CSMD1: variants seen among roughly 807,000 people sequenced by gnomAD.
CSMD1 encodes CUB and Sushi multiple domains 1, also known as CUB and sushi domain-containing protein 1.
CSMD1 carries 213 observed loss-of-function variants against 417.5 expected under a neutral mutation model. That is an observed-to-expected ratio of 0.51 (90% CI 0.46 to 0.57). The LOEUF (loss-of-function observed/expected upper bound fraction) is 0.57, where lower values mean the gene tolerates loss of function less well. CSMD1 is among the 20% of genes least tolerant of loss of function. The pLI is 0.00. For synonymous variants in CSMD1, 2,862 were observed against 1,736.8 expected (o/e 1.65, Z -16.11); for missense variants, 6,923 against 4,529.7 (o/e 1.53, Z -15.17).
At chr8:4,455,212 C>CT (rs1736917602) in intron 2 of CSMD1, among the ~76,000 whole-genome samples, 1 of 152,092 alleles carries the variant, frequency 6.6e-6, no homozygotes, top group Non-Finnish European at 1.5e-5. Context: ...CTTTATCTTA[C>CT]TCTGAAATAC....
Position 3,367,240 on chromosome 8 carries a change from T to G in CSMD1, c.2907A>C (p.Gln969His). The G allele has an allele frequency of 6.2e-7, 1 of 1,609,646 alleles. No individual in the cohort carries two copies. The highest frequency in any genetic ancestry group is 8.5e-7 in the Non-Finnish European group (1 of 1,177,842). ...CAAGATGAAAGGTGTGAAAGATCAT[T>G]TGAACTCCTGAGAAATGAAGCCGGG... The part of the protein sequence containing the change: ...TIEVSHGKGV[Q>H]MIFHTFHLES... The change falls in exon 20 of 70, where the codon CAA (glutamine) becomes CAC (histidine). Residue 969 changes from glutamine to histidine, a missense_variant. Gln to His is a conservative substitution (Grantham distance 24). Transcript: ENST00000635120.
At chr8:4,768,666 G>A (rs1034899358) in intron 1 of CSMD1, among the ~76,000 whole-genome samples, 1 of 152,132 alleles carries the variant, frequency 6.6e-6, no homozygotes, top group Non-Finnish European at 1.5e-5. Context: ...ATCACAGATG[G>A]GAGGGAAAGG....
intron 1 of CSMD1, among the ~76,000 whole-genome samples, chr8:4,865,495 T>C (rs1349478005): frequency 6.6e-6 from 1 of 151,876 alleles, no homozygotes; most frequent in African/African-American, 2.4e-5. Context: ...GGTTTCCTCG[T>C]ACTTTAAACA....
intron 3 of CSMD1, among the ~76,000 whole-genome samples, chr8:4,397,239 CGT>C (rs1221328385): frequency 1.3e-5 from 2 of 151,924 alleles, no homozygotes; most frequent in African/African-American, 4.8e-5. Context: ...GTTTATTTAG[CGT>C]GTGAGCATGC....
chr8:3,409,544 G>A lies in CSMD1; in HGVS notation c.1623C>T (p.Ser541=), dbSNP rs375577340. ...TGAGTGTATCTCCATGGAGGAAACT[G>A]CTGCCCGTCCGCTTCCCATAGGCGG... ...GIPAYGKRTG[S]SFLHGDTLTF... The change falls in exon 13 of 70, where the codon AGC becomes AGT. Residue 541 remains serine, a synonymous_variant. Coordinates refer to ENST00000635120, the MANE Select transcript of CSMD1 (RefSeq NM_033225.6). 6.4e-4 allele frequency: 1,024 copies of A among 1,611,092 alleles called. 4 individuals are homozygous for A. In the African/African-American group the frequency reaches 0.011, roughly 17 times the overall value.
intron 5 of CSMD1, among the ~76,000 whole-genome samples, chr8:3,988,319 T>C (rs1814489560): frequency 6.6e-6 from 1 of 152,194 alleles, no homozygotes; most frequent in Non-Finnish European, 1.5e-5. Flanking sequence ...ACAAAAGAGC[T>C]TGCATCAAAT....
At chr8:3,629,173 G>A (rs1006352606) in intron 7 of CSMD1, among the ~76,000 whole-genome samples, 6 of 152,212 alleles carry the variant, frequency 3.9e-5, no homozygotes, top group Non-Finnish European at 5.9e-5. Context: ...GCAGGACGCA[G>A]GGGAACTTGC....
At chr8:4,808,224 TA>T (rs1284585906) in intron 1 of CSMD1, among the ~76,000 whole-genome samples, 1 of 152,206 alleles carries the variant, frequency 6.6e-6, no homozygotes, top group Non-Finnish European at 1.5e-5. Flanking sequence ...AGCAGCGGTA[TA>T]GGGTTGCTGC....
chr8:4,626,698 C>T (rs1023469464), intron 2 of CSMD1, among the ~76,000 whole-genome samples: 1 of 152,000 alleles, frequency 6.6e-6, no homozygotes, highest in African/African-American at 2.4e-5. Context: ...CTTGCAAAGA[C>T]GTCTCCCCAT....
intron 3 of CSMD1, among the ~76,000 whole-genome samples, chr8:4,277,817 G>A (rs953519656): frequency 9.2e-5 from 14 of 151,932 alleles, no homozygotes; most frequent in African/African-American, 1.5e-4. Flanking sequence ...GTATAATCTC[G>A]GTTCACTGCA....
At chr8:4,121,237 C>G (rs1401495948) in intron 3 of CSMD1, among the ~76,000 whole-genome samples, 9 of 152,224 alleles carry the variant, frequency 5.9e-5, no homozygotes, top group African/African-American at 2.2e-4. Context: ...GCCTCAGCCT[C>G]CCAGCTATCT....
At chr8:3,893,643 G>T (rs551053911) in intron 5 of CSMD1, among the ~76,000 whole-genome samples, 6 of 151,866 alleles carry the variant, frequency 4.0e-5, no homozygotes, top group Non-Finnish European at 8.8e-5. Context: ...CTTGCTCTCA[G>T]TTAGGAGAGG....
intron 7 of CSMD1, among the ~76,000 whole-genome samples, chr8:3,670,560 T>G (rs1367003748): frequency 2.7e-5 from 3 of 110,476 alleles, no homozygotes; most frequent in Non-Finnish European, 6.3e-5. Flanking sequence ...CATATATATA[T>G]GCGATATATA....
chr8:3,822,812 G>A (rs986235341), intron 5 of CSMD1, among the ~76,000 whole-genome samples: 2 of 152,076 alleles, frequency 1.3e-5, no homozygotes, highest in African/African-American at 4.8e-5. Flanking sequence ...AGAACTTTGG[G>A]CTTATTTTTT....
chr8:4,180,142 G>A (rs566198251), intron 3 of CSMD1, among the ~76,000 whole-genome samples: 1 of 152,082 alleles, frequency 6.6e-6, no homozygotes, highest in Non-Finnish European at 1.5e-5. Flanking sequence ...GTTTACTGCG[G>A]CACTATTCAC....
intron 2 of CSMD1, among the ~76,000 whole-genome samples, chr8:4,441,624 C>T (rs1019254914): frequency 6.6e-6 from 1 of 152,046 alleles, no homozygotes; most frequent in South Asian, 2.1e-4. Flanking sequence ...TCTTCACCAC[C>T]TAGGTATTTA....
At chr8:4,601,543 A>G (rs551580484) in intron 2 of CSMD1, among the ~76,000 whole-genome samples, 25 of 152,314 alleles carry the variant, frequency 1.6e-4, no homozygotes, top group South Asian at 1.2e-3. Flanking sequence ...ATGGTCATAC[A>G]GATGATAAAA....
intron 2 of CSMD1, among the ~76,000 whole-genome samples, chr8:4,446,482 G>T (rs969767425): frequency 6.6e-6 from 1 of 152,174 alleles, no homozygotes; most frequent in Non-Finnish European, 1.5e-5. Context: ...GGGAGACTGA[G>T]GCTGCAGGGA....
intron 7 of CSMD1, among the ~76,000 whole-genome samples, chr8:3,690,869 T>A (rs115934392): frequency 0.015 from 2,349 of 152,282 alleles, 52 homozygotes; most frequent in African/African-American, 0.05. Context: ...CCCAAATACA[T>A]TGATTTCATT....
Sources: gnomAD v4.1 joint callset for allele counts (sites outside exome capture counted in the v4.1 genomes callset) on GRCh38, gnomAD v4.1.1 for gene constraint, MANE v1.5 for transcripts, NCBI Gene and HGNC (gene_info 2026-07-23, HGNC 2026-07-21) for gene names.